Variants in NELL1 observed in about 807,000 individuals in gnomAD.
NELL1 encodes protein kinase C-binding protein NELL1.
Under a neutral mutation model 107.4 loss-of-function variants are expected in NELL1, and 76 were observed. The observed-to-expected ratio is 0.71, with a 90% CI of 0.59 to 0.86. NELL1 has a LOEUF of 0.86. NELL1 is among the 40% of genes least tolerant of loss of function. NELL1 has a pLI of 0.00. For missense variants in NELL1, 1,024 were observed against 1,005.5 expected (o/e 1.02, Z -0.25); for synonymous variants, 353 against 341.2 (o/e 1.03, Z -0.38).
intron 15 of NELL1, among the ~76,000 whole-genome samples, chr11:21,498,487 T>G (rs999945330): frequency 3.3e-5 from 5 of 150,856 alleles, no homozygotes; most frequent in Non-Finnish European, 5.9e-5. Flanking sequence ...CATACATAGT[T>G]CTGATAATTT....
At chr11:21,534,631 A>T in intron 16 of NELL1, 117 bp downstream of exon 16, 1 of 1,095,262 alleles carries the variant, frequency 9.1e-7, no homozygotes, top group Non-Finnish European at 1.3e-6. Flanking sequence ...GGTTAAATGC[A>T]TCAGTTTTCA....
At chr11:20,990,974 C>T (rs1851959594) in intron 12 of NELL1, among the ~76,000 whole-genome samples, 1 of 150,922 alleles carries the variant, frequency 6.6e-6, no homozygotes. Flanking sequence ...TCCTGGATTC[C>T]ACAGCTCACT....
chr11:20,810,823 C>T (rs1329450485), intron 3 of NELL1, among the ~76,000 whole-genome samples: 1 of 151,984 alleles, frequency 6.6e-6, no homozygotes, highest in East Asian at 1.9e-4. Context: ...TACTAGTTTC[C>T]ATTCCCACCA....
At chr11:21,563,195 GA>G (rs1856891976) in intron 17 of NELL1, among the ~76,000 whole-genome samples, 2 of 152,056 alleles carry the variant, frequency 1.3e-5, no homozygotes, top group Non-Finnish European at 2.9e-5. Flanking sequence ...TCTTTTCATA[GA>G]TACCCATCTG....
At chr11:20,815,124 G>A (rs1236831055) in intron 3 of NELL1, among the ~76,000 whole-genome samples, 1 of 152,096 alleles carries the variant, frequency 6.6e-6, no homozygotes. Context: ...GAGTGCAGTG[G>A]TGTAATCTCC....
At chr11:21,310,935 T>C (rs766416444) in intron 14 of NELL1, among the ~76,000 whole-genome samples, 10 of 152,138 alleles carry the variant, frequency 6.6e-5, no homozygotes, top group Non-Finnish European at 1.3e-4. Context: ...GAATATAATC[T>C]GTCATTCAAG....
Position 21,069,263 on chromosome 11 carries a change from A to G in NELL1, c.1301-44326A>G, listed in dbSNP as rs754293878. Reference sequence around the variant, plus strand: ...TGTAACAAAGCTGCACGTCCTGCACATGTACCCTTGAACTTAACATAAAAG... The same window carrying G: ...TGTAACAAAGCTGCACGTCCTGCACGTGTACCCTTGAACTTAACATAAAAG... On this transcript the variant is annotated intron_variant, in intron 12 of 19. Coordinates refer to ENST00000357134, the MANE Select transcript of NELL1 (RefSeq NM_006157.5). Among the ~76,000 whole-genome samples, 6 of 152,340 alleles carry G rather than the reference A, an allele frequency of 3.9e-5. No homozygotes were observed. The East Asian group carries it at 1.2e-3, about 29-fold the overall frequency.
At chr11:21,102,352 T>G (rs1450270422) in intron 12 of NELL1, among the ~76,000 whole-genome samples, 2 of 152,060 alleles carry the variant, frequency 1.3e-5, no homozygotes, top group Non-Finnish European at 2.9e-5. Context: ...CTAGACCCAG[T>G]TTTTCACCCC....
chr11:20,948,275 A>G (rs1355082330), intron 11 of NELL1, among the ~76,000 whole-genome samples: 1 of 150,874 alleles, frequency 6.6e-6, no homozygotes, highest in African/African-American at 2.4e-5. Flanking sequence ...TTGTCCTTGA[A>G]CTCTTGGCCT....
chr11:21,390,797 T>C (rs1474266659), intron 15 of NELL1, among the ~76,000 whole-genome samples: 1 of 151,890 alleles, frequency 6.6e-6, no homozygotes, highest in South Asian at 2.1e-4. Flanking sequence ...GTCCTCCCAA[T>C]ACATTTACAT....
chr11:21,484,227 A>T (rs1346667320), intron 15 of NELL1, among the ~76,000 whole-genome samples: 1 of 151,506 alleles, frequency 6.6e-6, no homozygotes, highest in South Asian at 2.1e-4. Context: ...AACAAAAAAA[A>T]ATTGCTGACA....
chr11:20,890,186 C>T (rs1191639862), intron 5 of NELL1, among the ~76,000 whole-genome samples: 1 of 152,128 alleles, frequency 6.6e-6, no homozygotes, highest in Non-Finnish European at 1.5e-5. Context: ...CCTTAAGTGA[C>T]ATCTCCAGGC....
At chr11:21,540,789 G>A (rs1856273426) in intron 16 of NELL1, among the ~76,000 whole-genome samples, 1 of 152,036 alleles carries the variant, frequency 6.6e-6, no homozygotes, top group Non-Finnish European at 1.5e-5. Flanking sequence ...CTCCAACACT[G>A]GAGATTACAA....
At chr11:21,317,870 T>C (rs531149535) in intron 14 of NELL1, among the ~76,000 whole-genome samples, 1 of 152,166 alleles carries the variant, frequency 6.6e-6, no homozygotes, top group Non-Finnish European at 1.5e-5. Flanking sequence ...GATTATAAAC[T>C]TCCTCAGAAT....
intron 13 of NELL1, among the ~76,000 whole-genome samples, chr11:21,189,088 T>A (rs1590717342): frequency 6.6e-6 from 1 of 151,928 alleles, no homozygotes; most frequent in Admixed American, 6.5e-5. Context: ...TATATTCAAC[T>A]GCCACTTGCA....
At chr11:20,886,276 A>T (rs1849506679) in intron 5 of NELL1, among the ~76,000 whole-genome samples, 1 of 152,172 alleles carries the variant, frequency 6.6e-6, no homozygotes, top group Admixed American at 6.5e-5. Context: ...AAACTGCATT[A>T]TTATACTTCA....
intron 13 of NELL1, among the ~76,000 whole-genome samples, chr11:21,201,624 C>A (rs937055119): frequency 2.0e-5 from 3 of 152,120 alleles, no homozygotes; most frequent in Non-Finnish European, 2.9e-5. Flanking sequence ...TTATTTCTTT[C>A]TCTTGCCTGA....
chr11:21,000,610 G>A (rs956754438), intron 12 of NELL1, among the ~76,000 whole-genome samples: 3 of 152,202 alleles, frequency 2.0e-5, no homozygotes, highest in Admixed American at 6.5e-5. Flanking sequence ...GGAAAAGAGT[G>A]ATATAATGCC....
intron 13 of NELL1, among the ~76,000 whole-genome samples, chr11:21,167,730 C>A (rs1311170378): frequency 1.3e-5 from 2 of 151,822 alleles, no homozygotes; most frequent in African/African-American, 4.9e-5. Context: ...CTTGGACACA[C>A]TGAGCTCTTT....
Sources: allele counts gnomAD v4.1 joint callset (sites outside exome capture counted in the v4.1 genomes callset), GRCh38; gene constraint gnomAD v4.1.1; transcripts MANE v1.5; gene names NCBI Gene and HGNC (gene_info 2026-07-23, HGNC 2026-07-21).